The following ADGRG2 variants were observed in gnomAD, a reference collection of about 807,000 sequenced individuals.
ADGRG2 encodes adhesion G protein-coupled receptor G2, also known as G protein-coupled receptor 64.
Under a neutral mutation model 74.1 loss-of-function variants are expected in ADGRG2, and 26 were observed. The observed-to-expected ratio is 0.35, with a 90% confidence interval of 0.26 to 0.49. The LOEUF (loss-of-function observed/expected upper bound fraction) is 0.49. ADGRG2 is among the 20% of genes least tolerant of loss of function. The probability of loss-of-function intolerance (pLI) is 0.99; values close to 1 mark genes in which losing one functional copy is unlikely to be tolerated. For missense variants in ADGRG2, 619 were observed against 763.1 expected, an observed-to-expected ratio of 0.81 and a Z score of 2.22; for synonymous variants, 296 against 295.2, an observed-to-expected ratio of 1.00 and a Z score of -0.03.
chrX:19,117,439 C>A (rs995601496), intron 1 of ADGRG2, among the ~76,000 whole-genome samples: 3 of 111,297 alleles, frequency 2.7e-5, no homozygotes, highest in African/African-American at 9.8e-5. Context: ...TCTCTTGATT[C>A]TCTTTCTTCC....
At chrX:19,044,067 A>T (rs2061127686) in intron 3 of ADGRG2, among the ~76,000 whole-genome samples, 1 of 111,890 alleles carries the variant, frequency 8.9e-6, no homozygotes, top group African/African-American at 3.3e-5. Flanking sequence ...TGCATGTCAG[A>T]CGTCCAGTAG....
chrX:19,121,223 A>G (rs999224177), intron 1 of ADGRG2, among the ~76,000 whole-genome samples: 1 of 111,556 alleles, frequency 9.0e-6, no homozygotes, highest in African/African-American at 3.3e-5. Flanking sequence ...GTTTGGGGCC[A>G]TGCGTTGAGA....
intron 1 of ADGRG2, among the ~76,000 whole-genome samples, chrX:19,087,256 A>G (rs1437445469): frequency 8.9e-6 from 1 of 112,452 alleles, no homozygotes; most frequent in African/African-American, 3.2e-5. Flanking sequence ...CATTCATTCA[A>G]CAAACATTTA....
At chrX:19,100,053 C>T (rs757983656) in intron 1 of ADGRG2, among the ~76,000 whole-genome samples, 8 of 111,279 alleles carry the variant, frequency 7.2e-5, no homozygotes, top group Admixed American at 1.9e-4. Flanking sequence ...CCAAAAAACA[C>T]GACCACTTTA....
chrX:19,095,071 A>C (rs1174544928), intron 1 of ADGRG2, among the ~76,000 whole-genome samples: 1 of 111,893 alleles, frequency 8.9e-6, no homozygotes, highest in Non-Finnish European at 1.9e-5. Flanking sequence ...GGACACAAAA[A>C]CAGCCCATAA....
chrX:19,118,095 G>C (rs12390175), intron 1 of ADGRG2, among the ~76,000 whole-genome samples: 14,657 of 111,382 alleles, frequency 0.13, 834 homozygotes, highest in South Asian at 0.22. Flanking sequence ...TGGTAAAATA[G>C]TAGCAACTAC....
At chrX:19,013,300 A>C (rs1156616191) in intron 16 of ADGRG2, among the ~76,000 whole-genome samples, 2 of 111,813 alleles carry the variant, frequency 1.8e-5, no homozygotes, top group East Asian at 5.6e-4. Context: ...AGGAGAAAGA[A>C]ACCTAGAAAA....
At chrX:18,993,114 ATACAACAGTTATTTCTCATCTTT>A (rs2059952406) in intron 28 of ADGRG2, among the ~76,000 whole-genome samples, 1 of 112,145 alleles carries the variant, frequency 8.9e-6, no homozygotes, top group African/African-American at 3.2e-5. Context: ...AGCTAAGGCT[ATACAACAGTTATTTCTCATCTTT>A]TACAGCAGTG....
At position 18,991,012 on chromosome X, in the gene ADGRG2, C is replaced by G. The variant is rs1264142181; in HGVS notation, c.2906G>C (p.Ser969Thr). The G allele has an allele frequency of 2.5e-6, 3 of 1,197,104 alleles. No individual in the cohort carries two copies. The change falls in exon 29 of 29, where the codon AGT becomes ACT. Residue 969 changes from serine (S) to threonine (T), a missense_variant. Around this residue, in one of 3 missense-constraint regions of ADGRG2, gnomAD observed 106 missense variants for 104.5 expected, o/e 1.01. Transcript: ENST00000379869. ...AAGGCACACATCTCCATTCTGAACA[C>G]TAAAAGAGACCCCATTCCTCTCTGT... ...ASTERNGVSF[S>T]VQNGDVCLHD... is the part of the protein sequence containing the mutation.
In ADGRG2 at chrX:19,006,753, A is replaced by ATTT. The variant is rs35276629; in HGVS notation, c.1689+479_1689+481dup. Among the ~76,000 whole-genome samples the ATTT allele has an allele frequency of 1.7e-3, 137 of 81,800 alleles. 2 individuals carry two copies. Among genetic ancestry groups the ATTT allele is most frequent in the African/African-American group, 7.3e-3 (129 of 17,707 alleles). The allele number at this position is 81,800 out of a possible 115,157, so 71.0% of individuals were successfully genotyped here. ...ATTCTTCCTGGAAATTAGGTGGTCA[A>ATTT]TTTTTTTTTTTTTTTTTTTTTTTGA... On this transcript the variant is annotated intron_variant, in intron 20 of 28. Transcript: ENST00000379869.
intron 3 of ADGRG2, among the ~76,000 whole-genome samples, chrX:19,053,779 A>T (rs1267573658): frequency 2.7e-5 from 3 of 111,823 alleles, no homozygotes; most frequent in African/African-American, 9.8e-5. Context: ...TTATAAAGGA[A>T]AGAGGTTTAA....
rs776067547 is a variant in ADGRG2, at chrX:18,996,082, A to G, written c.2685T>C (p.Cys895=). ...TTTCAGCCAGCCGTAACTTTCCACA[A>G]CAAAGATACCGCCTCCATTGCTTCC... ...NVRKQWRRYL[C]CGKLRLAENS... is the part of the protein sequence containing the mutation. Residue 895 remains cysteine (C), a synonymous_variant, in exon 27 of 29, where the codon TGT becomes TGC. Transcript: ENST00000379869. 7 of 1,184,528 alleles carry G rather than the reference A, an allele frequency of 5.9e-6. No homozygotes were observed. The highest frequency in any genetic ancestry group is 2.2e-5 in the Admixed American group (1 of 45,783).
Position 18,990,357 on chromosome X carries a change from G to A in ADGRG2, c.*507C>T, listed in dbSNP as rs976232521. The A allele has an allele frequency of 1.8e-5, 2 of 112,644 alleles. No individual in the cohort carries two copies. Among genetic ancestry groups the A allele is most frequent in the African/African-American group, 6.5e-5 (2 of 30,930 alleles). The allele number at this position is 112,644 out of a possible 1,213,427, so 9.3% of individuals were successfully genotyped here. On this transcript the variant is annotated 3_prime_UTR_variant, in exon 29 of 29. Transcript: ENST00000379869. ...AAGGATTTTCTGAATTATCACGTGAGACAAAACAACCATGATTCTACAAAG... is the reference window on the plus strand; with the variant it reads ...AAGGATTTTCTGAATTATCACGTGAAACAAAACAACCATGATTCTACAAAG...
rs377645596 is a variant in ADGRG2 at position 18,990,873 on chromosome X, C to T, written c.3045G>A (p.Glu1015=). 10 of 1,191,819 alleles carry T rather than the reference C, an allele frequency of 8.4e-6. No homozygotes were observed. The highest frequency in any genetic ancestry group is 1.1e-5 in the Non-Finnish European group (10 of 883,244). ...TTTTAGAAGAAAGGAATCACATTTGCTCAATAAAGTGTAAGCTTCCCCGCT... is the reference window on the plus strand; with the variant it reads ...TTTTAGAAGAAAGGAATCACATTTGTTCAATAAAGTGTAAGCTTCCCCGCT... The part of the protein sequence containing the change: ...TSKRGSLHFI[E]QM Residue 1015 remains glutamate (E), a synonymous_variant, in exon 29 of 29, where the codon GAG becomes GAA. Transcript: ENST00000379869.
chrX:19,072,152 A>G (rs1460289564), intron 2 of ADGRG2, among the ~76,000 whole-genome samples: 1 of 96,446 alleles, frequency 1.0e-5, no homozygotes, highest in Non-Finnish European at 2.0e-5. Context: ...TCCTTAAAAC[A>G]TTATGAGTTT....
intron 3 of ADGRG2, among the ~76,000 whole-genome samples, chrX:19,054,584 T>C (rs2146841307): frequency 8.9e-6 from 1 of 112,423 alleles, no homozygotes. Flanking sequence ...TCTAGGCCAG[T>C]TGCAGAACTG....
At chrX:19,122,273 G>A (rs2062622615) in intron 1 of ADGRG2, among the ~76,000 whole-genome samples, 169 bp downstream of exon 1, 1 of 112,532 alleles carries the variant, frequency 8.9e-6, no homozygotes, top group Non-Finnish European at 1.9e-5. Context: ...CCCGGGCCCC[G>A]GCTAGGAACA....
chrX:19,046,152 C>A (rs1006113886), intron 3 of ADGRG2, among the ~76,000 whole-genome samples: 2 of 112,533 alleles, frequency 1.8e-5, no homozygotes, highest in Admixed American at 9.4e-5. Context: ...AGGTGTGGCA[C>A]CATGCCCAGC....
At chrX:19,107,960 T>C (rs1206848997) in intron 1 of ADGRG2, among the ~76,000 whole-genome samples, 5 of 106,240 alleles carry the variant, frequency 4.7e-5, no homozygotes, top group Non-Finnish European at 5.8e-5. Flanking sequence ...ATTAGCCAGG[T>C]GTGGTGGCAC....
Sources: gnomAD v4.1 joint callset for allele counts (sites outside exome capture counted in the v4.1 genomes callset) on GRCh38, gnomAD v4.1.1 for gene constraint, gnomAD v4.1.1 regional missense constraint, MANE v1.5 for transcripts, NCBI Gene and HGNC (gene_info 2026-07-23, HGNC 2026-07-21) for gene names.